Variants in PTCHD4 observed in about 807,000 individuals in gnomAD.
PTCHD4 encodes the protein patched domain containing 4, also known as patched domain-containing protein 4.
Under a neutral mutation model 58.1 loss-of-function variants are expected in PTCHD4, and 33 were observed. That is an observed-to-expected ratio of 0.57 (90% confidence interval 0.43 to 0.76). The LOEUF is 0.76. Ranked by LOEUF, PTCHD4 falls within the 30% of genes least tolerant of loss-of-function variation. The pLI is 0.00. For synonymous variants in PTCHD4, 478 were observed against 409.6 expected, an observed-to-expected ratio of 1.17 and a Z score of -2.02; for missense variants, 1,058 against 1,027.1, an observed-to-expected ratio of 1.03 and a Z score of -0.41.
intron 4 of PTCHD4, among the ~76,000 whole-genome samples, chr6:47,951,793 A>G (rs1434453138): frequency 2.0e-5 from 3 of 152,162 alleles, no homozygotes; most frequent in Non-Finnish European, 4.4e-5. Context: ...CAAAATAAAA[A>G]TAGATTAATT....
intron 4 of PTCHD4, among the ~76,000 whole-genome samples, chr6:48,003,002 C>G (rs1189140400): frequency 6.6e-6 from 1 of 152,104 alleles, no homozygotes; most frequent in East Asian, 1.9e-4. Flanking sequence ...ACTTTCTTTA[C>G]TCTGCTGCTG....
intron 1 of PTCHD4, among the ~76,000 whole-genome samples, chr6:48,107,430 A>C (rs1374236468): frequency 6.6e-6 from 1 of 152,224 alleles, no homozygotes; most frequent in African/African-American, 2.4e-5. Context: ...CCTTCCTTAC[A>C]CCTTATACAA....
In PTCHD4 at chr6:47,859,473, T is replaced by C. The variant is rs1244966371; in HGVS notation, c.*18830A>G. Among the ~76,000 whole-genome samples the C allele has an allele frequency of 6.6e-6, 1 of 151,994 alleles. No homozygotes were observed. The highest frequency in any genetic ancestry group is 1.5e-5 in the Non-Finnish European group (1 of 67,978). On this transcript the variant is annotated 3_prime_UTR_variant, in exon 5 of 5. Transcript: ENST00000339488. Reference sequence around the variant, plus strand: ...ATGACTTACTAGATAATGAGATACATCTAATATATTTGCAACTGAAACACT... The same window carrying C: ...ATGACTTACTAGATAATGAGATACACCTAATATATTTGCAACTGAAACACT...
At chr6:47,881,181 G>A (rs1184919645) in intron 4 of PTCHD4, among the ~76,000 whole-genome samples, 1 of 152,186 alleles carries the variant, frequency 6.6e-6, no homozygotes, top group East Asian at 1.9e-4. Flanking sequence ...CTTAGATATT[G>A]GAGTTAGGTG....
At chr6:48,033,029 ATT>A (rs1223240278) in intron 3 of PTCHD4, among the ~76,000 whole-genome samples, 1 of 151,980 alleles carries the variant, frequency 6.6e-6, no homozygotes, top group African/African-American at 2.4e-5. Flanking sequence ...AGCTAAAAAT[ATT>A]TTTTTTAGAA....
chr6:48,020,870 T>C (rs1354617856), intron 3 of PTCHD4, among the ~76,000 whole-genome samples: 4 of 152,126 alleles, frequency 2.6e-5, no homozygotes, highest in Non-Finnish European at 4.4e-5. Flanking sequence ...TATAGGATTA[T>C]GGGTCAGTTC....
intron 3 of PTCHD4, among the ~76,000 whole-genome samples, chr6:48,043,119 A>T (rs1485054083): frequency 6.6e-6 from 1 of 151,922 alleles, no homozygotes; most frequent in East Asian, 1.9e-4. Context: ...AACACAGTGC[A>T]TTTGAAAAAG....
chr6:48,102,724 C>T (rs141310164), intron 1 of PTCHD4, among the ~76,000 whole-genome samples: 4,536 of 152,288 alleles, frequency 0.03, 485 homozygotes, highest in East Asian at 0.25. Context: ...GGGTGACAGA[C>T]GGCACCTGGA....
At chr6:48,104,248 A>C (rs1318007782) in intron 1 of PTCHD4, among the ~76,000 whole-genome samples, 1 of 152,216 alleles carries the variant, frequency 6.6e-6, no homozygotes, top group Non-Finnish European at 1.5e-5. Context: ...CTAACAGCTG[A>C]TCTCTCGGCA....
intron 4 of PTCHD4, among the ~76,000 whole-genome samples, chr6:47,927,492 TG>T (rs1329014831): frequency 6.6e-6 from 1 of 152,098 alleles, no homozygotes; most frequent in Admixed American, 6.6e-5. Context: ...CAATGAAGAA[TG>T]GGACAAAACA....
intron 4 of PTCHD4, among the ~76,000 whole-genome samples, chr6:47,961,758 C>T (rs1184114405): frequency 6.6e-6 from 1 of 152,072 alleles, no homozygotes; most frequent in Non-Finnish European, 1.5e-5. Context: ...AAATGTGTGC[C>T]ACTAAAAGAA....
At chr6:47,962,165 A>G (rs1273683725) in intron 4 of PTCHD4, among the ~76,000 whole-genome samples, 4 of 152,224 alleles carry the variant, frequency 2.6e-5, no homozygotes, top group Non-Finnish European at 4.4e-5. Flanking sequence ...TTTGTATAAT[A>G]TGAAAGAATT....
intron 3 of PTCHD4, among the ~76,000 whole-genome samples, chr6:48,023,175 T>C (rs920915554): frequency 6.6e-6 from 1 of 152,186 alleles, no homozygotes; most frequent in Non-Finnish European, 1.5e-5. Context: ...TTTACGTGTG[T>C]TTTTAGTTTT....
intron 3 of PTCHD4, among the ~76,000 whole-genome samples, chr6:48,029,425 C>T (rs528565300): frequency 7.9e-5 from 12 of 152,064 alleles, no homozygotes; most frequent in African/African-American, 2.6e-4. Context: ...AAATTGTTAG[C>T]CCAATATCAA....
intron 4 of PTCHD4, among the ~76,000 whole-genome samples, chr6:47,965,280 A>T (rs1266442408): frequency 6.6e-6 from 1 of 152,246 alleles, no homozygotes; most frequent in Non-Finnish European, 1.5e-5. Context: ...ATTTAAAGAT[A>T]GATAAGTTTT....
chr6:47,950,877 A>C (rs1277596857), intron 4 of PTCHD4, among the ~76,000 whole-genome samples: 1 of 152,156 alleles, frequency 6.6e-6, no homozygotes, highest in African/African-American at 2.4e-5. Flanking sequence ...AGTATCAAAA[A>C]CTCAAGTGAG....
intron 3 of PTCHD4, among the ~76,000 whole-genome samples, chr6:48,025,781 C>T (rs1252469828): frequency 6.6e-6 from 1 of 152,128 alleles, no homozygotes; most frequent in East Asian, 1.9e-4. Context: ...AACATACACA[C>T]CCCCAAAATA....
intron 3 of PTCHD4, among the ~76,000 whole-genome samples, chr6:48,014,999 G>A (rs957902233): frequency 2.6e-5 from 4 of 152,030 alleles, no homozygotes; most frequent in Non-Finnish European, 5.9e-5. Context: ...CTCCACTAAG[G>A]CAACTGCCTA....
In PTCHD4 at chr6:47,957,270, A is replaced by C. The variant is rs1274850450; in HGVS notation, c.898+51364T>G. ...AGGTTTATATATATATAATATATAT[A>C]TTATATATATAGTTTCATTCAAGAA... On this transcript the variant is annotated intron_variant, in intron 4 of 4. Coordinates refer to ENST00000339488, the MANE Select transcript of PTCHD4 (RefSeq NM_001384253.1). 2.0e-5 allele frequency among the ~76,000 whole-genome samples: 3 copies of C among 148,060 alleles called. No individual in the cohort carries two copies. In the South Asian group the frequency reaches 6.3e-4, roughly 31 times the overall value.
Sources: gnomAD v4.1 joint callset for allele counts (sites outside exome capture counted in the v4.1 genomes callset) on GRCh38, gnomAD v4.1.1 for gene constraint, MANE v1.5 for transcripts, NCBI Gene and HGNC (gene_info 2026-07-23, HGNC 2026-07-21) for gene names.